Variants in HACD2 observed in about 807,000 individuals in gnomAD.
HACD2 encodes 3-hydroxyacyl-CoA dehydratase 2.
In HACD2, 15 loss-of-function variants were observed where a neutral mutation model predicts 31.0. The observed-to-expected ratio is 0.48, with a 90% CI of 0.32 to 0.75. The LOEUF is 0.75. Among genes scored for constraint, HACD2 ranks in the 30% least tolerant of loss-of-function variants. The pLI is 0.03. For missense variants in HACD2, 283 were observed against 313.0 expected, an observed-to-expected ratio of 0.90 and a Z score of 0.72; for synonymous variants, 115 against 122.2, an observed-to-expected ratio of 0.94 and a Z score of 0.39.
At position 123,511,199 on chromosome 3, in the gene HACD2, T is replaced by C. The variant is rs2056059000; in HGVS notation, c.382-8518A>G. 4.6e-5 allele frequency among the ~76,000 whole-genome samples: 7 copies of C among 152,302 alleles called. No individual in the cohort carries two copies. The South Asian group carries it at 1.5e-3, about 32-fold the overall frequency. On this transcript the variant is annotated intron_variant, in intron 4 of 6. Coordinates refer to ENST00000383657, the MANE Select transcript of HACD2 (RefSeq NM_198402.5). ...TACCTAATTGTTACTGAGCTCTTAC[T>C]ATATGCCAAGCACTTTTTAACATAT...
At chr3:123,530,512 G>T (rs749641189) in intron 3 of HACD2, among the ~76,000 whole-genome samples, 38 of 151,946 alleles carry the variant, frequency 2.5e-4, no homozygotes, top group Non-Finnish European at 5.0e-4. Context: ...TGGTTCAAGG[G>T]GTTCTCCTGC....
intron 4 of HACD2, among the ~76,000 whole-genome samples, chr3:123,506,041 G>A (rs16834377): frequency 0.097 from 14,798 of 152,300 alleles, 1,001 homozygotes; most frequent in African/African-American, 0.2. Context: ...GGAAAGATGC[G>A]TGCCCATGAT....
In HACD2 at chr3:123,532,445, A is replaced by C. The variant is rs78261960; in HGVS notation, c.293-3971T>G. On this transcript the variant is annotated intron_variant, in intron 3 of 6. Transcript: ENST00000383657. Reference sequence around the variant, plus strand: ...AGCTCTATCCCTGAATTTAAGCTAAAGAACAGATGGCCACATAGATGGGCA... The same window carrying C: ...AGCTCTATCCCTGAATTTAAGCTAACGAACAGATGGCCACATAGATGGGCA... 3.7e-3 allele frequency among the ~76,000 whole-genome samples: 561 copies of C among 152,332 alleles called. 3 individuals are homozygous for C. Among genetic ancestry groups the C allele is most frequent in the African/African-American group, 0.013 (534 of 41,574 alleles).
intron 3 of HACD2, among the ~76,000 whole-genome samples, chr3:123,539,903 G>A (rs1289846208): frequency 5.7e-5 from 5 of 87,696 alleles, no homozygotes; most frequent in Non-Finnish European, 8.1e-5. Flanking sequence ...GCAAGGCCTC[G>A]TCTCTACTAA....
intron 4 of HACD2, among the ~76,000 whole-genome samples, chr3:123,517,023 G>GA (rs1032405999): frequency 7.9e-5 from 12 of 152,162 alleles, no homozygotes; most frequent in African/African-American, 2.9e-4. Flanking sequence ...GGAGAGGTCA[G>GA]AAAAACATAT....
rs2055816325 is a variant in HACD2, at chr3:123,495,064, G to A, written c.683-94C>T. ...AAGTTGAGGTCCTCTCTGACCCTCT[G>A]ACTAATTTCTCATCCAGCAACCAAG... On this transcript the variant is annotated intron_variant, in intron 6 of 6. Coordinates refer to ENST00000383657, the MANE Select transcript of HACD2 (RefSeq NM_198402.5). The A allele has an allele frequency of 9.4e-6, 7 of 742,698 alleles. No homozygotes were observed. In the East Asian group the frequency reaches 2.0e-4, roughly 21 times the overall value. The allele number at this position is 742,698 out of a possible 1,614,324, so 46.0% of individuals were successfully genotyped here.
chr3:123,502,027 T>C (rs925859089), intron 5 of HACD2, among the ~76,000 whole-genome samples: 1 of 152,220 alleles, frequency 6.6e-6, no homozygotes, highest in Non-Finnish European at 1.5e-5. Context: ...GATGAACTAC[T>C]AGCCTTTTAC....
intron 3 of HACD2, among the ~76,000 whole-genome samples, chr3:123,535,727 C>G (rs2056417796): frequency 1.3e-5 from 2 of 152,214 alleles, no homozygotes; most frequent in Non-Finnish European, 1.5e-5. Context: ...GCCTTCCAGG[C>G]CCCACACTGA....
At chr3:123,544,891 T>C (rs1382778569) in intron 3 of HACD2, among the ~76,000 whole-genome samples, 3 of 151,214 alleles carry the variant, frequency 2.0e-5, no homozygotes, top group African/African-American at 4.9e-5. Context: ...CTGGGGAACA[T>C]GGCAAAACCC....
At chr3:123,559,872 C>T (rs980594751) in intron 3 of HACD2, among the ~76,000 whole-genome samples, 3 of 152,198 alleles carry the variant, frequency 2.0e-5, no homozygotes, top group Non-Finnish European at 4.4e-5. Context: ...GGGTGCTGCT[C>T]ACTGAGTGCT....
chr3:123,546,080 TA>T (rs1476332431), intron 3 of HACD2, among the ~76,000 whole-genome samples: 1 of 152,184 alleles, frequency 6.6e-6, no homozygotes, highest in Non-Finnish European at 1.5e-5. Context: ...TACCCCTTAT[TA>T]TTAATGAGGA....
rs2055783899 is a variant in HACD2, at chr3:123,493,094, C to G, written c.*1794G>C. 6.6e-6 allele frequency: 1 copy of G among 152,212 alleles called. No homozygotes were observed. Among genetic ancestry groups the G allele is most frequent in the Non-Finnish European group, 1.5e-5 (1 of 68,048 alleles). The allele number at this position is 152,212 out of a possible 1,614,324, so 9.4% of individuals were successfully genotyped here. On this transcript the variant is annotated 3_prime_UTR_variant, in exon 7 of 7. Coordinates refer to ENST00000383657, the MANE Select transcript of HACD2 (RefSeq NM_198402.5). ...CAGGGGTTGGGTGCAGTGGCTCATG[C>G]CTGCAATCCCAGCACTTTGGGAGGC...
intron 3 of HACD2, among the ~76,000 whole-genome samples, chr3:123,534,053 A>T (rs1292455429): frequency 9.3e-6 from 1 of 107,998 alleles, no homozygotes; most frequent in Admixed American, 9.0e-5. Flanking sequence ...TGTGTGTGTG[A>T]AGCAAAAGCT....
At chr3:123,558,130 G>A (rs761104248) in intron 3 of HACD2, among the ~76,000 whole-genome samples, 5 of 152,154 alleles carry the variant, frequency 3.3e-5, no homozygotes, top group Non-Finnish European at 7.3e-5. Flanking sequence ...GAAAAGACAT[G>A]GAGAAAACTT....
chr3:123,535,702 C>A (rs142941214), intron 3 of HACD2, among the ~76,000 whole-genome samples: 169 of 152,332 alleles, frequency 1.1e-3, no homozygotes, highest in African/African-American at 3.8e-3. Flanking sequence ...CTAGCAGCCA[C>A]CTCATCCATG....
chr3:123,497,761 C>T (rs2055851805), intron 6 of HACD2, among the ~76,000 whole-genome samples: 1 of 152,120 alleles, frequency 6.6e-6, no homozygotes, highest in African/African-American at 2.4e-5. Context: ...CCAGGGCACC[C>T]CAATATGAGG....
At chr3:123,584,702 G>A in intron 1 of HACD2, 171 bp downstream of exon 1, 1 of 463,480 alleles carries the variant, frequency 2.2e-6, no homozygotes, top group Non-Finnish European at 3.6e-6. Context: ...AGCCACCGGG[G>A]CCGATTCAGC....
intron 4 of HACD2, among the ~76,000 whole-genome samples, chr3:123,524,588 C>A (rs2056255768): frequency 6.6e-6 from 1 of 152,178 alleles, no homozygotes; most frequent in South Asian, 2.1e-4. Context: ...ACCTATGGAT[C>A]TCACACAGGC....
At chr3:123,535,748 G>A (rs2056418124) in intron 3 of HACD2, among the ~76,000 whole-genome samples, 1 of 152,214 alleles carries the variant, frequency 6.6e-6, no homozygotes, top group African/African-American at 2.4e-5. Context: ...GTCGGAGACT[G>A]ATATAAAATT....
Sources: gnomAD v4.1 joint callset for allele counts (sites outside exome capture counted in the v4.1 genomes callset) on GRCh38, gnomAD v4.1.1 for gene constraint, MANE v1.5 for transcripts, NCBI Gene and HGNC (gene_info 2026-07-23, HGNC 2026-07-21) for gene names.